The following PTH2R variants were observed in gnomAD, a reference collection of about 807,000 sequenced individuals.
PTH2R encodes the protein parathyroid hormone 2 receptor.
PTH2R carries 59 observed loss-of-function variants against 60.3 expected under a neutral mutation model. The ratio of observed to expected loss-of-function variants is 0.98; its 90% CI spans 0.79 to 1.22. The LOEUF (loss-of-function observed/expected upper bound fraction) is 1.22, where lower values mean the gene tolerates loss of function less well. Ranked by LOEUF, PTH2R falls within the 50% of genes most tolerant of loss-of-function variation. The pLI is 0.00. For synonymous variants in PTH2R, 256 were observed against 243.8 expected, an observed-to-expected ratio of 1.05 and a Z score of -0.47; for missense variants, 749 against 682.6, an observed-to-expected ratio of 1.10 and a Z score of -1.08.
intron 2 of PTH2R, among the ~76,000 whole-genome samples, chr2:208,436,984 T>C (rs1702087985): frequency 6.6e-6 from 1 of 152,122 alleles, no homozygotes; most frequent in Admixed American, 6.5e-5. Context: ...GTGGTGACAG[T>C]AGATGTTGTG....
rs1260133094 is a variant in PTH2R at position 208,472,894 on chromosome 2, G to C, written c.982-8176G>C. ...CCAGTTTGGGTTCAAGAAAGGTTATGTAACTTGCCTGAGGTTATACATTTA... is the reference window on the plus strand; with the variant it reads ...CCAGTTTGGGTTCAAGAAAGGTTATCTAACTTGCCTGAGGTTATACATTTA... On this transcript the variant is annotated intron_variant, in intron 9 of 12. Coordinates refer to ENST00000272847, the MANE Select transcript of PTH2R (RefSeq NM_005048.4). 3.1e-5 allele frequency among the ~76,000 whole-genome samples: 3 copies of C among 95,800 alleles called. No individual in the cohort carries two copies. In the East Asian group the frequency reaches 7.5e-4, roughly 24 times the overall value. The allele number at this position is 95,800 out of a possible 152,430, so 62.8% of individuals were successfully genotyped here.
At position 208,372,752 on chromosome 2, in the gene PTH2R, T is replaced by C. The variant is rs190466469; in HGVS notation, c.-259+12515T>C. On this transcript the variant is annotated intron_variant, in intron 1 of 12. Transcript: ENST00000617735. Reference sequence around the variant, plus strand: ...ACAAAGAATTCTATTAATGATGAAATTAGGAACAATGTTCCCATCCCCAAT... The same window carrying C: ...ACAAAGAATTCTATTAATGATGAAACTAGGAACAATGTTCCCATCCCCAAT... 1.5e-4 allele frequency among the ~76,000 whole-genome samples: 23 copies of C among 152,112 alleles called. 2 individuals are homozygous for C. Among genetic ancestry groups the C allele is most frequent in the African/African-American group, 5.3e-4 (22 of 41,422 alleles).
At chr2:208,426,644 G>A (rs2105852508) in intron 1 of PTH2R, among the ~76,000 whole-genome samples, 1 of 152,300 alleles carries the variant, frequency 6.6e-6, no homozygotes, top group Admixed American at 6.5e-5. Context: ...TAGTGAGTTA[G>A]TCTCATGAGA....
chr2:208,418,518 A>G (rs909435095), intron 1 of PTH2R, among the ~76,000 whole-genome samples: 2 of 152,188 alleles, frequency 1.3e-5, no homozygotes, highest in African/African-American at 4.8e-5. Context: ...AAAAAGTGAT[A>G]AAGTTTAACA....
chr2:208,470,004 A>G (rs1232379087), intron 9 of PTH2R: 1 of 152,220 alleles, frequency 6.6e-6, no homozygotes, highest in East Asian at 1.9e-4. Flanking sequence ...ACTGACTGAG[A>G]CATAAGCACC....
intron 9 of PTH2R, among the ~76,000 whole-genome samples, chr2:208,464,254 C>T (rs1223789127): frequency 6.6e-6 from 1 of 152,114 alleles, no homozygotes; most frequent in Non-Finnish European, 1.5e-5. Context: ...ATGTTATTTT[C>T]ACTTTTTCTT....
At chr2:208,409,755 C>T (rs1001964607) in intron 1 of PTH2R, among the ~76,000 whole-genome samples, 16 of 152,060 alleles carry the variant, frequency 1.1e-4, no homozygotes, top group African/African-American at 3.1e-4. Flanking sequence ...GTTCAAAACC[C>T]GTGCATTCAT....
At chr2:208,360,477 C>T (rs11693927) in intron 1 of PTH2R, among the ~76,000 whole-genome samples, 2 of 152,186 alleles carry the variant, frequency 1.3e-5, no homozygotes, top group African/African-American at 4.8e-5. Context: ...GGGCCAGACC[C>T]GGCTGAGACT....
intron 1 of PTH2R, among the ~76,000 whole-genome samples, chr2:208,368,927 A>G (rs1451486773): frequency 2.0e-5 from 3 of 152,162 alleles, no homozygotes; most frequent in African/African-American, 7.2e-5. Context: ...AAATTCTGTG[A>G]TTTGGCTTCA....
intron 2 of PTH2R, among the ~76,000 whole-genome samples, chr2:208,431,367 G>T (rs1246458259): frequency 1.3e-5 from 2 of 151,950 alleles, no homozygotes; most frequent in African/African-American, 4.8e-5. Flanking sequence ...TCTATAGACT[G>T]CTGGTCAATG....
At chr2:208,472,959 G>A (rs1348848524) in intron 9 of PTH2R, among the ~76,000 whole-genome samples, 1 of 152,226 alleles carries the variant, frequency 6.6e-6, no homozygotes, top group African/African-American at 2.4e-5. Flanking sequence ...GTAATGCCAT[G>A]CCAGAGCCCA....
chr2:208,419,411 T>C (rs1203541487), intron 1 of PTH2R, among the ~76,000 whole-genome samples: 1 of 152,242 alleles, frequency 6.6e-6, no homozygotes, highest in African/African-American at 2.4e-5. Flanking sequence ...TCATTGTAGA[T>C]TCTGGATATT....
At chr2:208,470,832 G>A (rs1447561090) in intron 9 of PTH2R, among the ~76,000 whole-genome samples, 3 of 152,154 alleles carry the variant, frequency 2.0e-5, no homozygotes, top group Non-Finnish European at 2.9e-5. Flanking sequence ...GAAAATGTGG[G>A]CAAGTTTGGA....
At chr2:208,420,787 T>G (rs1247399690) in intron 1 of PTH2R, among the ~76,000 whole-genome samples, 1 of 152,228 alleles carries the variant, frequency 6.6e-6, no homozygotes, top group African/African-American at 2.4e-5. Flanking sequence ...CTTATGCAGA[T>G]TCCATTGGTT....
At chr2:208,484,040 T>C (rs1236152763) in intron 10 of PTH2R, among the ~76,000 whole-genome samples, 1 of 152,254 alleles carries the variant, frequency 6.6e-6, no homozygotes, top group Non-Finnish European at 1.5e-5. Flanking sequence ...CAGCTAATTT[T>C]GTACCTTTAA....
chr2:208,405,227 T>C (rs1032346364), upstream of PTH2R, among the ~76,000 whole-genome samples: 7 of 152,210 alleles, frequency 4.6e-5, no homozygotes, highest in African/African-American at 1.7e-4. Context: ...ATTTATTTAA[T>C]GTTTGAAACA....
At chr2:208,420,466 C>G (rs1204141517) in intron 1 of PTH2R, among the ~76,000 whole-genome samples, 1 of 151,578 alleles carries the variant, frequency 6.6e-6, no homozygotes, top group Non-Finnish European at 1.5e-5. Flanking sequence ...TTTTTTTTTG[C>G]TAATGAAGTA....
At chr2:208,399,281 G>T (rs1159222277) in intron 1 of PTH2R, among the ~76,000 whole-genome samples, 1 of 152,104 alleles carries the variant, frequency 6.6e-6, no homozygotes, top group Non-Finnish European at 1.5e-5. Context: ...TAACTCAGTA[G>T]GTCTGGGTTG....
chr2:208,372,902 T>C (rs6711995), intron 1 of PTH2R, among the ~76,000 whole-genome samples: 73,479 of 151,742 alleles, frequency 0.48, 18,951 homozygotes, highest in Admixed American at 0.57. Context: ...CTGGGCAACA[T>C]GGCAAAACCC....
Sources: allele counts gnomAD v4.1 joint callset (sites outside exome capture counted in the v4.1 genomes callset), GRCh38; gene constraint gnomAD v4.1.1; transcripts MANE v1.5; gene names NCBI Gene and HGNC (gene_info 2026-07-23, HGNC 2026-07-21).